Variants in UQCC2 observed in about 807,000 individuals in gnomAD.
UQCC2 encodes the protein breast cancer-associated protein SGA-81M.
UQCC2 carries 21 observed loss-of-function variants against 19.9 expected under a neutral mutation model. That is an observed-to-expected ratio of 1.05 (90% CI 0.75 to 1.52). The LOEUF is 1.52. Among genes scored for constraint, UQCC2 ranks in the 40% most tolerant of loss-of-function variants. UQCC2 has a pLI of 0.00. For synonymous variants in UQCC2, 57 were observed against 60.9 expected, an observed-to-expected ratio of 0.94 and a Z score of 0.30; for missense variants, 135 against 157.5, an observed-to-expected ratio of 0.86 and a Z score of 0.76.
chr6:33,700,629 G>C, intron 2 of UQCC2, 116 bp from the exon 3 acceptor site: 1 of 1,066,806 alleles, frequency 9.4e-7, no homozygotes, highest in East Asian at 2.4e-5. Context: ...GGCCTAGCAA[G>C]GAGAAGAGCA....
At position 33,697,147 on chromosome 6, in the gene UQCC2, C is replaced by T. The variant is rs1765571316; in HGVS notation, c.*506G>A. 1 of 154,450 alleles carries T rather than the reference C, an allele frequency of 6.5e-6. No individual in the cohort carries two copies. The highest frequency in any genetic ancestry group is 1.4e-5 in the Non-Finnish European group (1 of 69,564). 9.6% of individuals were successfully genotyped at this position (154,450 alleles called of 1,614,324 possible). On this transcript the variant is annotated 3_prime_UTR_variant, in exon 4 of 4. Transcript: ENST00000607484. ...TCAGGGATAGAGGCCTAAGGTCCAT[C>T]CTTCTCTGAGTCAGTGGGGATGAGG...
Position 33,711,633 on chromosome 6 carries a change from C to T in UQCC2, c.54G>A (p.Val18=). 1 of 1,614,058 alleles carries T rather than the reference C, an allele frequency of 6.2e-7. No homozygotes were observed. The highest frequency in any genetic ancestry group is 8.5e-7 in the Non-Finnish European group (1 of 1,179,956). Reference sequence around the variant, plus strand: ...AGTCCCGGCCCCGTTTGGTCTCGTCCACTGGCCATTCCTCACAGAGCTTAA... The same window carrying T: ...AGTCCCGGCCCCGTTTGGTCTCGTCTACTGGCCATTCCTCACAGAGCTTAA... ...RFLKLCEEWP[V]DETKRGRDLG... Residue 18 remains valine (V), a synonymous_variant, in exon 1 of 4, where the codon GTG becomes GTA. Coordinates refer to ENST00000607484, the MANE Select transcript of UQCC2 (RefSeq NM_032340.4).
chr6:33,711,097 T>G (rs918684971), intron 1 of UQCC2, among the ~76,000 whole-genome samples: 1 of 152,126 alleles, frequency 6.6e-6, no homozygotes, highest in Admixed American at 6.5e-5. Flanking sequence ...GGGTCTCAAC[T>G]CTCTCTGCAC....
intron 2 of UQCC2, 38 bp from the exon 3 acceptor site, chr6:33,700,551 G>A: frequency 6.2e-7 from 1 of 1,604,648 alleles, no homozygotes. Flanking sequence ...AGGGAGGGGA[G>A]AGATCAGCAC....
intron 1 of UQCC2, among the ~76,000 whole-genome samples, chr6:33,701,792 T>C (rs1765643290): frequency 6.6e-6 from 1 of 151,828 alleles, no homozygotes; most frequent in Non-Finnish European, 1.5e-5. Context: ...CAGAGTGGGC[T>C]ACAGGGACTC....
rs1582186030 is a variant in UQCC2 at position 33,711,659 on chromosome 6, G to A, written c.28C>T (p.Leu10Phe). The A allele has an allele frequency of 3.7e-6, 6 of 1,608,874 alleles. No homozygotes were observed. Among genetic ancestry groups the A allele is most frequent in the African/African-American group, 2.7e-5 (2 of 74,870 alleles). Reference sequence around the variant, plus strand: ...ACTGGCCATTCCTCACAGAGCTTAAGAAAACGCCGGTACCGGCTGGCCGCC... The same window carrying A: ...ACTGGCCATTCCTCACAGAGCTTAAAAAAACGCCGGTACCGGCTGGCCGCC... MAASRYRRFLKLCEEWPVDE... is the reference protein window; with the variant it reads MAASRYRRFFKLCEEWPVDE... Residue 10 changes from leucine (L) to phenylalanine (F), a missense_variant, in exon 1 of 4, where the codon CTT becomes TTT. Physicochemically the swap from Leu to Phe is conservative, Grantham distance 22. Coordinates refer to ENST00000607484, the MANE Select transcript of UQCC2 (RefSeq NM_032340.4).
At position 33,711,651 on chromosome 6, in the gene UQCC2, G is replaced by A. The variant is rs529816407; in HGVS notation, c.36C>T (p.Leu12=). ...TCTCGTCCACTGGCCATTCCTCACA[G>A]AGCTTAAGAAAACGCCGGTACCGGC... The part of the protein sequence containing the change: ...AASRYRRFLK[L]CEEWPVDETK... The change falls in exon 1 of 4, where the codon CTC becomes CTT. Residue 12 remains leucine, a synonymous_variant. Coordinates refer to ENST00000607484, the MANE Select transcript of UQCC2 (RefSeq NM_032340.4). 6.2e-7 allele frequency: 1 copy of A among 1,613,372 alleles called. No individual in the cohort carries two copies. Among genetic ancestry groups the A allele is most frequent in the Non-Finnish European group, 8.5e-7 (1 of 1,179,810 alleles).
chr6:33,710,346 G>A lies in UQCC2; in HGVS notation c.138+1203C>T, dbSNP rs146188489. Among the ~76,000 whole-genome samples, 143 of 152,274 alleles carry A rather than the reference G, an allele frequency of 9.4e-4. 2 individuals carry two copies. Among genetic ancestry groups the A allele is most frequent in the Admixed American group, 4.1e-3 (62 of 15,302 alleles). Reference sequence around the variant, plus strand: ...TCAGTCCCCTCACTAAACATCCCCAGTGACTTCTCACTGGCCTTATAATGA... The same window carrying A: ...TCAGTCCCCTCACTAAACATCCCCAATGACTTCTCACTGGCCTTATAATGA... On this transcript the variant is annotated intron_variant, in intron 1 of 3. Coordinates refer to ENST00000607484, the MANE Select transcript of UQCC2 (RefSeq NM_032340.4).
chr6:33,699,254 C>G (rs191520752), intron 3 of UQCC2, among the ~76,000 whole-genome samples: 1 of 152,364 alleles, frequency 6.6e-6, no homozygotes, highest in Non-Finnish European at 1.5e-5. Context: ...ATGAGGCTTG[C>G]TGTGAAAACA....
chr6:33,711,422 T>A (rs756520645), intron 1 of UQCC2, 127 bp downstream of exon 1: 44 of 1,339,974 alleles, frequency 3.3e-5, no homozygotes, highest in Non-Finnish European at 4.3e-5. Context: ...AAAAAGGGGG[T>A]CCGCGCTCAC....
intron 1 of UQCC2, among the ~76,000 whole-genome samples, chr6:33,703,904 G>A (rs1015665406): frequency 6.6e-6 from 1 of 152,186 alleles, no homozygotes; most frequent in Non-Finnish European, 1.5e-5. Flanking sequence ...AAAACAGGAT[G>A]TCCTGCTGCA....
chr6:33,706,025 A>T (rs1765694365), intron 1 of UQCC2, among the ~76,000 whole-genome samples: 1 of 152,150 alleles, frequency 6.6e-6, no homozygotes, highest in Admixed American at 6.5e-5. Flanking sequence ...GTCGTCAGTA[A>T]ATTTCTCTTT....
chr6:33,705,813 C>T (rs1765692216), intron 1 of UQCC2, among the ~76,000 whole-genome samples: 1 of 152,092 alleles, frequency 6.6e-6, no homozygotes, highest in South Asian at 2.1e-4. Flanking sequence ...TTAATACATG[C>T]TTTAAATTAC....
At chr6:33,711,522 C>G in intron 1 of UQCC2, 27 bp downstream of exon 1, 1 of 1,582,110 alleles carries the variant, frequency 6.3e-7, no homozygotes. Flanking sequence ...TTCCTCCCCT[C>G]GTCCCAGCCG....
At chr6:33,701,109 G>A (rs1342603069) in intron 2 of UQCC2, among the ~76,000 whole-genome samples, 1 of 152,088 alleles carries the variant, frequency 6.6e-6, no homozygotes. Context: ...TCAAATACAT[G>A]GCTTCTATTC....
intron 2 of UQCC2, among the ~76,000 whole-genome samples, 156 bp downstream of exon 2, chr6:33,701,190 T>C (rs924546709): frequency 3.9e-5 from 6 of 152,260 alleles, no homozygotes; most frequent in African/African-American, 1.4e-4. Context: ...TAAAAGCCTC[T>C]ACCAGGCACC....
chr6:33,711,467 A>AT (rs1234588913), intron 1 of UQCC2, 82 bp downstream of exon 1: 1 of 1,496,056 alleles, frequency 6.7e-7, no homozygotes, highest in Non-Finnish European at 8.9e-7. Context: ...GCATGCGCAG[A>AT]TCCCCCTGCT....
chr6:33,700,636 A>G (rs1404587012), intron 2 of UQCC2, 123 bp from the exon 3 acceptor site: 1 of 962,918 alleles, frequency 1.0e-6, no homozygotes, highest in Non-Finnish European at 1.6e-6. Context: ...CAAGGAGAAG[A>G]GCAGCGCCAC....
chr6:33,709,458 A>G (rs1014933), intron 1 of UQCC2, among the ~76,000 whole-genome samples: 63,429 of 152,062 alleles, frequency 0.42, 15,668 homozygotes, highest in East Asian at 0.86. Flanking sequence ...CGTAGGGGAG[A>G]GAGGGAAAGA....
Sources: allele counts gnomAD v4.1 joint callset (sites outside exome capture counted in the v4.1 genomes callset), GRCh38; gene constraint gnomAD v4.1.1; transcripts MANE v1.5; gene names NCBI Gene and HGNC (gene_info 2026-07-23, HGNC 2026-07-21).